The following MORN1 variants were observed in gnomAD, a reference collection of about 807,000 sequenced individuals.
The protein encoded by MORN1 is MORN repeat containing 1.
MORN1 carries 67 observed loss-of-function variants against 61.9 expected under a neutral mutation model. The observed-to-expected ratio is 1.08, with a 90% CI of 0.89 to 1.33. The LOEUF (loss-of-function observed/expected upper bound fraction) is 1.33. MORN1 is among the 40% of genes most tolerant of loss of function. The pLI, the probability that MORN1 is intolerant of heterozygous loss-of-function variation, is 0.00. For missense variants in MORN1, 752 were observed against 691.2 expected (o/e 1.09, Z -0.99); for synonymous variants, 301 against 292.0 (o/e 1.03, Z -0.31).
chr1:2,391,018 G>A (rs1164620143), intron 1 of MORN1, among the ~76,000 whole-genome samples: 2 of 152,200 alleles, frequency 1.3e-5, no homozygotes, highest in Non-Finnish European at 2.9e-5. Flanking sequence ...AGTGCTGGAA[G>A]TACAGGCAAA....
At chr1:2,340,335 G>A (rs1641368872) in intron 10 of MORN1, among the ~76,000 whole-genome samples, 1 of 152,110 alleles carries the variant, frequency 6.6e-6, no homozygotes, top group Non-Finnish European at 1.5e-5. Flanking sequence ...GCTGTGTCCT[G>A]CGCATCCCAC....
At chr1:2,356,154 C>T (rs368533738) in intron 10 of MORN1, among the ~76,000 whole-genome samples, 255 of 152,270 alleles carry the variant, frequency 1.7e-3, no homozygotes, top group African/African-American at 4.0e-3. Context: ...GGCGGCGCGA[C>T]GGCCGCCTGG....
At chr1:2,368,138 A>AT (rs1488920567) in intron 8 of MORN1, among the ~76,000 whole-genome samples, 5 of 152,254 alleles carry the variant, frequency 3.3e-5, no homozygotes, top group African/African-American at 1.2e-4. Flanking sequence ...TGCAAATTAG[A>AT]TATCTGATAA....
At position 2,357,483 on chromosome 1, in the gene MORN1, G is replaced by C; in HGVS notation, c.985C>G (p.Leu329Val). The change falls in exon 10 of 14, where the codon CTG becomes GTG. Residue 329 changes from leucine (L) to valine (V), a missense_variant. Leu to Val is a conservative substitution (Grantham distance 32). Coordinates refer to ENST00000378531, the MANE Select transcript of MORN1 (RefSeq NM_024848.3). The surrounding 1 kb of genome is among the most constrained non-coding windows in gnomAD (Gnocchi z 6.3). ...DVPLPRGDLE[L>V]HLGALHGQED... ...TGGCCATGGAGGGCACCCAAATGCAGCTCCAGGTCTCCCCTGGGCAGGGGC... is the reference window on the plus strand; with the variant it reads ...TGGCCATGGAGGGCACCCAAATGCACCTCCAGGTCTCCCCTGGGCAGGGGC... 1.9e-6 allele frequency: 3 copies of C among 1,612,386 alleles called. No homozygotes were observed. The highest frequency in any genetic ancestry group is 1.7e-6 in the Non-Finnish European group (2 of 1,179,508).
In MORN1 at chr1:2,348,727, A is replaced by ACACACACG. The variant is rs1399964721; in HGVS notation, c.1036+8704_1036+8705insCGTGTGTG. On this transcript the variant is annotated intron_variant, in intron 10 of 13. Transcript: ENST00000378531. ...CACACGCACACCTGCGCGGGCACGC[A>ACACACACG]CACGCACACCTGCGCGGGCACGCAC... Among the ~76,000 whole-genome samples, 31 of 143,984 alleles carry ACACACACG rather than the reference A, an allele frequency of 2.2e-4. 2 individuals are homozygous for ACACACACG. The highest frequency in any genetic ancestry group is 8.9e-4 in the South Asian group (4 of 4,504). The allele number at this position is 143,984 out of a possible 152,430, so 94.5% of individuals were successfully genotyped here. A position where few individuals can be genotyped will look rare whatever the true frequency, so the allele number is the denominator to read the frequency against.
chr1:2,344,841 C>G (rs1308992506), intron 10 of MORN1, among the ~76,000 whole-genome samples: 1 of 152,254 alleles, frequency 6.6e-6, no homozygotes, highest in Non-Finnish European at 1.5e-5. Flanking sequence ...CAGCAAATGC[C>G]AAGTCCCCGA....
intron 5 of MORN1, chr1:2,385,441 G>A: frequency 2.5e-6 from 1 of 398,062 alleles, no homozygotes; most frequent in Non-Finnish European, 4.6e-6. Flanking sequence ...GGAGGCGGAG[G>A]CGGGAGGCTC....
rs1195289044 is a variant in MORN1, at chr1:2,372,278, C to T, written c.745+203G>A. On this transcript the variant is annotated intron_variant, in intron 8 of 13. Transcript: ENST00000378531. The surrounding 1 kb of genome is among the most constrained non-coding windows in gnomAD (Gnocchi z 5.4). The stretch of plus-strand genomic sequence containing the variant: ...ACGCACATCACACAATATGTGCACA[C>T]ATGCTTGCACACACACCCAAGGCTG... 7.1e-6 allele frequency: 4 copies of T among 561,580 alleles called. No individual in the cohort carries two copies. Among genetic ancestry groups the T allele is most frequent in the Non-Finnish European group, 1.3e-5 (4 of 311,498 alleles). The allele number at this position is 561,580 out of a possible 1,614,324, so 34.8% of individuals were successfully genotyped here. A position where few individuals can be genotyped will look rare whatever the true frequency, so the allele number is the denominator to read the frequency against.
chr1:2,338,347 C>T (rs1438266934), intron 10 of MORN1, among the ~76,000 whole-genome samples: 3 of 152,148 alleles, frequency 2.0e-5, no homozygotes, highest in East Asian at 1.9e-4. Context: ...TTTGCTGGCC[C>T]GGCACTATTT....
intron 3 of MORN1, 153 bp from the exon 4 acceptor site, chr1:2,387,682 G>C: frequency 1.6e-6 from 1 of 629,634 alleles, no homozygotes; most frequent in Non-Finnish European, 2.9e-6. Flanking sequence ...CTTCATGAGG[G>C]AAAACATGGT....
chr1:2,385,731 C>T (rs538451538), intron 5 of MORN1, 76 bp downstream of exon 5: 1 of 1,391,226 alleles, frequency 7.2e-7, no homozygotes, highest in Non-Finnish European at 1.0e-6. Flanking sequence ...CTGTCTACAC[C>T]CCCAGGCCAC....
intron 12 of MORN1, among the ~76,000 whole-genome samples, chr1:2,328,326 G>T (rs1219128837): frequency 6.6e-6 from 1 of 152,232 alleles, no homozygotes; most frequent in East Asian, 1.9e-4. Context: ...TGGTGTCCGG[G>T]CTCCTGGAGA....
At chr1:2,378,682 C>T in intron 6 of MORN1, 1 of 332,534 alleles carries the variant, frequency 3.0e-6, no homozygotes, top group South Asian at 2.4e-5. Flanking sequence ...GTAGGAGACA[C>T]TCTGATGTGC....
chr1:2,330,969 T>G (rs1417810243), intron 12 of MORN1, among the ~76,000 whole-genome samples: 1 of 152,228 alleles, frequency 6.6e-6, no homozygotes, highest in Non-Finnish European at 1.5e-5. Context: ...GCTTTGTCCT[T>G]TTGTGGAATT....
intron 2 of MORN1, 126 bp downstream of exon 2, chr1:2,389,799 G>C: frequency 1.2e-6 from 1 of 814,108 alleles, no homozygotes; most frequent in East Asian, 2.5e-5. Context: ...AGCCAGGGAA[G>C]CACCAGGGTA....
At chr1:2,367,657 G>T (rs1306299671) in intron 8 of MORN1, among the ~76,000 whole-genome samples, 6 of 151,010 alleles carry the variant, frequency 4.0e-5, no homozygotes, top group East Asian at 1.9e-4. Context: ...ATTTTTTTTT[G>T]AGATGGAGTC....
At chr1:2,374,816 A>G in intron 6 of MORN1, 1 of 404,998 alleles carries the variant, frequency 2.5e-6, no homozygotes, top group Admixed American at 4.1e-5. Context: ...ACAACGGCAC[A>G]GTATATAAAA....
At chr1:2,390,518 G>A (rs1642624374) in intron 1 of MORN1, 1 of 985,244 alleles carries the variant, frequency 1.0e-6, no homozygotes, top group South Asian at 4.7e-5. Flanking sequence ...TGTGCCACCC[G>A]CCAACTCCTG....
At chr1:2,360,051 C>T (rs1432734367) in intron 8 of MORN1, among the ~76,000 whole-genome samples, 2 of 152,146 alleles carry the variant, frequency 1.3e-5, no homozygotes, top group African/African-American at 2.4e-5. Flanking sequence ...TTGGGGTGGC[C>T]GTGGAGGGGT....
Sources: gnomAD v4.1 joint callset for allele counts (sites outside exome capture counted in the v4.1 genomes callset) on GRCh38, gnomAD v4.1.1 for gene constraint, Gnocchi (gnomAD v3.1) non-coding constraint, MANE v1.5 for transcripts, NCBI Gene and HGNC (gene_info 2026-07-23, HGNC 2026-07-21) for gene names.